The following SLIT3 variants were observed in gnomAD, a reference collection of about 807,000 sequenced individuals.
SLIT3 encodes the protein slit guidance ligand 3, also known as slit homolog 3 protein.
A neutral mutation model predicts 184.0 loss-of-function variants in SLIT3; 68 were observed. That is an observed-to-expected ratio of 0.37 (90% CI 0.30 to 0.45). The LOEUF (loss-of-function observed/expected upper bound fraction) is 0.45. Ranked by LOEUF, SLIT3 falls within the 20% of genes least tolerant of loss-of-function variation. The probability of loss-of-function intolerance (pLI) is 1.00; values close to 1 mark genes in which losing one functional copy is unlikely to be tolerated. For synonymous variants in SLIT3, 831 were observed against 828.6 expected (o/e 1.00, Z -0.05); for missense variants, 1,707 against 2,026.0 (o/e 0.84, Z 3.02).
chr5:169,229,650 C>T (rs1764928672), intron 3 of SLIT3, among the ~76,000 whole-genome samples: 1 of 123,580 alleles, frequency 8.1e-6, no homozygotes, highest in Non-Finnish European at 1.6e-5. Context: ...TCTTCTCTCT[C>T]TCTCTCTCTC....
chr5:168,747,742 C>T (rs1316628186), intron 20 of SLIT3, among the ~76,000 whole-genome samples: 2 of 151,912 alleles, frequency 1.3e-5, no homozygotes, highest in Non-Finnish European at 2.9e-5. Context: ...GGCAGGAGCT[C>T]GGGTTGTGGA....
chr5:169,216,205 C>T (rs58412809), intron 3 of SLIT3, among the ~76,000 whole-genome samples: 6,703 of 152,238 alleles, frequency 0.044, 193 homozygotes, highest in East Asian at 0.096. Context: ...CACTGTGCCA[C>T]CAGCCAGGGG....
intron 4 of SLIT3, among the ~76,000 whole-genome samples, chr5:169,173,414 C>T (rs776355734): frequency 4.6e-5 from 7 of 152,108 alleles, no homozygotes; most frequent in South Asian, 2.1e-4. Context: ...GGAGTGAAAG[C>T]GGGAGGAGAA....
chr5:168,931,745 C>A (rs1312304253), intron 4 of SLIT3, among the ~76,000 whole-genome samples: 1 of 152,194 alleles, frequency 6.6e-6, no homozygotes, highest in African/African-American at 2.4e-5. Context: ...CACAGTGACT[C>A]ATAGCAAGTA....
At chr5:169,007,538 G>T (rs774846495) in intron 4 of SLIT3, among the ~76,000 whole-genome samples, 1 of 152,236 alleles carries the variant, frequency 6.6e-6, no homozygotes, top group Non-Finnish European at 1.5e-5. Context: ...TAGGTAAGTA[G>T]TTTGCATGAC....
At chr5:169,291,895 C>T (rs966888499) in intron 1 of SLIT3, among the ~76,000 whole-genome samples, 1 of 152,198 alleles carries the variant, frequency 6.6e-6, no homozygotes, top group East Asian at 1.9e-4. Flanking sequence ...GTTGCCACAT[C>T]TATAAAATGC....
At position 168,692,630 on chromosome 5, in the gene SLIT3, G is replaced by A. The variant is rs1761943280; in HGVS notation, c.3153C>T (p.Cys1051=). The change falls in exon 29 of 36, where the codon TGC becomes TGT. Residue 1051 remains cysteine, a synonymous_variant. Coordinates refer to ENST00000519560, the MANE Select transcript of SLIT3 (RefSeq NM_003062.4). The part of the protein sequence containing the change: ...ELNLCQHEAK[C]IPLDKGFSCE... The stretch of plus-strand genomic sequence containing the variant: ...ACCTGAATCCTTTGTCCAGGGGGAT[G>A]CACTTGGCCTCATGCTGACAGAGGT... 1.2e-6 allele frequency: 2 copies of A among 1,613,774 alleles called. No homozygotes were observed. Among genetic ancestry groups the A allele is most frequent in the East Asian group, 2.2e-5 (1 of 44,896 alleles).
chr5:168,783,556 A>C (rs1045618384), intron 12 of SLIT3, among the ~76,000 whole-genome samples: 1 of 152,222 alleles, frequency 6.6e-6, no homozygotes, highest in Non-Finnish European at 1.5e-5. Flanking sequence ...CTTTGCGAGT[A>C]CCCATAATTT....
rs141051397 is a variant in SLIT3 at position 168,933,893 on chromosome 5, G to A, written c.414-50557C>T. Among the ~76,000 whole-genome samples, 794 of 152,302 alleles carry A rather than the reference G, an allele frequency of 5.2e-3. 9 individuals are homozygous for A. Among genetic ancestry groups the A allele is most frequent in the African/African-American group, 0.018 (750 of 41,540 alleles). On this transcript the variant is annotated intron_variant, in intron 4 of 35. Coordinates refer to ENST00000519560, the MANE Select transcript of SLIT3 (RefSeq NM_003062.4). The stretch of plus-strand genomic sequence containing the variant: ...GAGCCTGGCTAGGAAGGGCTGAGTG[G>A]CCTGTGGAATACAGAGGGGCAAGAA...
intron 3 of SLIT3, among the ~76,000 whole-genome samples, chr5:169,221,825 A>G (rs1345039381): frequency 1.3e-5 from 2 of 152,132 alleles, no homozygotes. Flanking sequence ...CTTTCTTCCC[A>G]CTATGTCTCT....
chr5:168,956,235 C>G (rs1762820134), intron 4 of SLIT3, among the ~76,000 whole-genome samples: 2 of 152,114 alleles, frequency 1.3e-5, no homozygotes, highest in African/African-American at 4.8e-5. Context: ...AACATTAGAA[C>G]AAAAGTCATC....
intron 6 of SLIT3, among the ~76,000 whole-genome samples, chr5:168,825,950 G>A (rs548081126): frequency 8.5e-5 from 13 of 152,258 alleles, no homozygotes; most frequent in African/African-American, 3.1e-4. Context: ...GTTGTTGACT[G>A]ACCACCAGAC....
chr5:168,878,617 C>G (rs1383654635), intron 5 of SLIT3, among the ~76,000 whole-genome samples: 4 of 152,066 alleles, frequency 2.6e-5, no homozygotes, highest in African/African-American at 4.8e-5. Flanking sequence ...AGCTTAGTTG[C>G]AGAGGCCTAG....
At chr5:169,036,008 A>C (rs1757232988) in intron 4 of SLIT3, 1 of 152,250 alleles carries the variant, frequency 6.6e-6, no homozygotes, top group Admixed American at 6.5e-5. Context: ...AGACTTATAA[A>C]GACTGTCCTA....
chr5:168,999,439 T>C (rs1372011095), intron 4 of SLIT3, among the ~76,000 whole-genome samples: 1 of 141,942 alleles, frequency 7.0e-6, no homozygotes, highest in Non-Finnish European at 1.6e-5. Context: ...ACAGCACAGC[T>C]ACATAGAGCC....
intron 4 of SLIT3, among the ~76,000 whole-genome samples, chr5:168,912,143 C>T (rs771215516): frequency 9.2e-5 from 14 of 152,254 alleles, no homozygotes; most frequent in African/African-American, 1.7e-4. Context: ...ATTTAACCAA[C>T]GGTAAATTTA....
chr5:168,844,702 G>C (rs1159733478), intron 5 of SLIT3, 47 bp from the exon 6 acceptor site: 2 of 1,588,640 alleles, frequency 1.3e-6, no homozygotes, highest in African/African-American at 1.3e-5. Context: ...GGGGCAGCGT[G>C]AGGGGCCGGC....
intron 5 of SLIT3, among the ~76,000 whole-genome samples, chr5:168,847,156 T>G (rs1581141275): frequency 1.3e-5 from 2 of 152,218 alleles, no homozygotes; most frequent in East Asian, 3.8e-4. Context: ...TGGCACAAGT[T>G]GACATCAAGT....
rs150885040 is a variant in SLIT3, at chr5:169,120,960, G to A, written c.413+72519C>T. ...CCCCCATTCCTTGGTAATTTATCAT[G>A]AAATCTCTTTCCTTTCTCCTAACTA... On this transcript the variant is annotated intron_variant, in intron 4 of 35. Transcript: ENST00000519560. Among the ~76,000 whole-genome samples, 505 of 152,180 alleles carry A rather than the reference G, an allele frequency of 3.3e-3. 2 individuals carry two copies. Among genetic ancestry groups the A allele is most frequent in the African/African-American group, 0.012 (484 of 41,526 alleles).
Sources: allele counts gnomAD v4.1 joint callset (sites outside exome capture counted in the v4.1 genomes callset), GRCh38; gene constraint gnomAD v4.1.1; transcripts MANE v1.5; gene names NCBI Gene and HGNC (gene_info 2026-07-23, HGNC 2026-07-21).